The following TRPS1 variants were observed in gnomAD, a reference collection of about 807,000 sequenced individuals.
TRPS1 encodes zinc finger transcription factor Trps1.
TRPS1 carries 6 observed loss-of-function variants against 101.2 expected under a neutral mutation model. That is an observed-to-expected ratio of 0.06 (90% CI 0.03 to 0.12). The LOEUF is 0.12. TRPS1 is among the 10% of genes least tolerant of loss of function. TRPS1 has a pLI of 1.00. For missense variants in TRPS1, 1,363 were observed against 1,567.0 expected (o/e 0.87, Z 2.20); for synonymous variants, 578 against 589.8 (o/e 0.98, Z 0.29).
chr8:115,476,005 CTTTTTTTTTTTTTTTTTTTT>C (rs1169514340), intron 5 of TRPS1, among the ~76,000 whole-genome samples: 1 of 40,712 alleles, frequency 2.5e-5, no homozygotes, highest in Non-Finnish European at 3.8e-5. Context: ...AATATACTTT[CTTTTTTTTTTTTTTTTTTTT>C]TTTTTTTTTT....
intron 5 of TRPS1, among the ~76,000 whole-genome samples, chr8:115,564,359 A>G (rs1203797689): frequency 6.6e-6 from 1 of 152,096 alleles, no homozygotes; most frequent in East Asian, 1.9e-4. Flanking sequence ...CCCTCTAGCT[A>G]TACCTGTTTT....
At chr8:115,431,817 C>T (rs756880795) in intron 5 of TRPS1, among the ~76,000 whole-genome samples, 4 of 151,814 alleles carry the variant, frequency 2.6e-5, no homozygotes, top group Non-Finnish European at 4.4e-5. Context: ...TATACAGACC[C>T]AGACATAGAA....
chr8:115,499,968 CTTTTCTTTT>C (rs1815271452), intron 5 of TRPS1, among the ~76,000 whole-genome samples: 1 of 95,952 alleles, frequency 1.0e-5, no homozygotes, highest in Non-Finnish European at 2.1e-5. Flanking sequence ...TCTTTCTTTT[CTTTTCTTTT>C]CTTTTCTTTT....
intron 4 of TRPS1, 86 bp downstream of exon 4, chr8:115,603,787 A>G (rs1817962127): frequency 3.3e-6 from 5 of 1,500,942 alleles, no homozygotes; most frequent in African/African-American, 1.4e-5. Context: ...ATCACTCTCA[A>G]CAATTCCCGG....
Position 115,619,051 on chromosome 8 carries a change from T to C in TRPS1, c.966+81A>G, listed in dbSNP as rs2737218. The C allele has an allele frequency of 0.22, 334,029 of 1,507,512 alleles. 38,974 individuals carry two copies. The highest frequency in any genetic ancestry group is 0.34 in the Admixed American group (18,077 of 53,362). 93.4% of individuals were successfully genotyped at this position (1,507,512 alleles called of 1,614,324 possible). On this transcript the variant is annotated intron_variant, in intron 3 of 6. Transcript: ENST00000395715. ...AGGCTACCTGTCTGGTACTGGGACC[T>C]TGGTTTTAACATGAATATAAGAATT...
At chr8:115,665,264 G>A (rs1811894127) in intron 1 of TRPS1, among the ~76,000 whole-genome samples, 1 of 152,146 alleles carries the variant, frequency 6.6e-6, no homozygotes, top group Non-Finnish European at 1.5e-5. Context: ...AAGAAGGTAA[G>A]ACAAGCGTTT....
chr8:115,478,883 ATATG>A (rs771456431), intron 5 of TRPS1, among the ~76,000 whole-genome samples: 1 of 146,104 alleles, frequency 6.8e-6, no homozygotes, highest in Non-Finnish European at 1.5e-5. Flanking sequence ...AGATGTGTAT[ATATG>A]TATGTGTATA....
chr8:115,505,950 G>GA (rs59485840), intron 5 of TRPS1, among the ~76,000 whole-genome samples: 152,155 of 152,158 alleles, frequency 1, 76,076 homozygotes, highest in Non-Finnish European at 1. Context: ...GGTAGAAGGG[G>GA]AAAACTTCAA....
intron 5 of TRPS1, among the ~76,000 whole-genome samples, chr8:115,497,450 T>C (rs1815177610): frequency 1.3e-5 from 2 of 152,200 alleles, no homozygotes; most frequent in South Asian, 2.1e-4. Context: ...TACGGGTCCA[T>C]GGCTTGGGGG....
chr8:115,600,649 T>C (rs572797368), intron 4 of TRPS1, among the ~76,000 whole-genome samples: 1 of 152,088 alleles, frequency 6.6e-6, no homozygotes, highest in East Asian at 1.9e-4. Context: ...GCACTCTTGA[T>C]GAAAGGGAGA....
intron 5 of TRPS1, among the ~76,000 whole-genome samples, chr8:115,537,782 T>C (rs1321462676): frequency 6.6e-6 from 1 of 152,242 alleles, no homozygotes; most frequent in East Asian, 1.9e-4. Context: ...CTCAATGTAA[T>C]ACGTAAGTGA....
At chr8:115,498,415 C>CTCTCTCTCTCTATATATA (rs1486361297) in intron 5 of TRPS1, among the ~76,000 whole-genome samples, 2 of 39,314 alleles carry the variant, frequency 5.1e-5, no homozygotes, top group African/African-American at 2.2e-4. Flanking sequence ...CTCTCTCTCT[C>CTCTCTCTCTCTATATATA]TATATATATA....
intron 5 of TRPS1, among the ~76,000 whole-genome samples, chr8:115,511,699 G>T (rs889864810): frequency 6.6e-6 from 1 of 151,920 alleles, no homozygotes; most frequent in Non-Finnish European, 1.5e-5. Flanking sequence ...TATGATAAAA[G>T]TGAGAGGACA....
chr8:115,569,560 G>GTT (rs1376830124), intron 5 of TRPS1, among the ~76,000 whole-genome samples: 2 of 152,032 alleles, frequency 1.3e-5, no homozygotes, highest in East Asian at 3.9e-4. Context: ...TCGTATCCAG[G>GTT]TTTGTCTCTA....
chr8:115,520,459 C>T (rs1183115959), intron 5 of TRPS1, among the ~76,000 whole-genome samples: 1 of 151,790 alleles, frequency 6.6e-6, no homozygotes, highest in Admixed American at 6.6e-5. Flanking sequence ...CAAGTATAAT[C>T]TACTCAGTAG....
At chr8:115,479,630 T>G (rs1814701681) in intron 5 of TRPS1, among the ~76,000 whole-genome samples, 1 of 152,130 alleles carries the variant, frequency 6.6e-6, no homozygotes, top group Admixed American at 6.6e-5. Context: ...ATATTCCCCT[T>G]TTCATACGAA....
chr8:115,611,997 A>G (rs769144226), intron 3 of TRPS1, among the ~76,000 whole-genome samples: 11 of 152,026 alleles, frequency 7.2e-5, no homozygotes, highest in Non-Finnish European at 1.6e-4. Context: ...TTGCTATAAA[A>G]TGTAGGACAA....
chr8:115,441,568 C>A lies in TRPS1; in HGVS notation c.2701-23116G>T, dbSNP rs892945089. Among the ~76,000 whole-genome samples, 4 of 152,220 alleles carry A rather than the reference C, an allele frequency of 2.6e-5. No homozygotes were observed. The East Asian group carries it at 7.7e-4, about 29-fold the overall frequency. On this transcript the variant is annotated intron_variant, in intron 5 of 6. Transcript: ENST00000395715. ...TTCCTTTTCCTAAAGTGTCTCCCTT[C>A]CGTCAACCACAGCATTCTGTAAGAT... is the stretch of plus-strand genomic sequence containing the variant.
In TRPS1 at chr8:115,604,403, G is replaced by A. The variant is rs758903540; in HGVS notation, c.1566C>T (p.Asp522=). 1 of 1,614,052 alleles carries A rather than the reference G, an allele frequency of 6.2e-7. No individual in the cohort carries two copies. Among genetic ancestry groups the A allele is most frequent in the Non-Finnish European group, 8.5e-7 (1 of 1,179,990 alleles). Residue 522 remains aspartate (D), a synonymous_variant, in exon 4 of 7, where the codon GAC becomes GAT. Transcript: ENST00000395715. This position sits in a 1 kb window ranked among gnomAD's most constrained non-coding sequence, Gnocchi z 4.1. ...TATCCTCGGCTCCCTTGCTGGAGAA[G>A]TCCTTCTTTTTAGCCCCACTCGAGC... is the stretch of plus-strand genomic sequence containing the variant. ...DKSSSGAKKK[D]FSSKGAEDNM... is the part of the protein sequence containing the mutation.
Sources: gnomAD v4.1 joint callset for allele counts (sites outside exome capture counted in the v4.1 genomes callset) on GRCh38, gnomAD v4.1.1 for gene constraint, Gnocchi (gnomAD v3.1) non-coding constraint, MANE v1.5 for transcripts, NCBI Gene and HGNC (gene_info 2026-07-23, HGNC 2026-07-21) for gene names.